The following SUMF1 variants were observed in gnomAD, a reference collection of about 807,000 sequenced individuals.
SUMF1 encodes sulfatase modifying factor 1, also known as formylglycine-generating enzyme.
In SUMF1, 48 loss-of-function variants were observed where a neutral mutation model predicts 47.6. The observed-to-expected ratio is 1.01, with a 90% CI of 0.80 to 1.28. The LOEUF (loss-of-function observed/expected upper bound fraction) is 1.28. Ranked by LOEUF, SUMF1 falls within the 50% of genes most tolerant of loss-of-function variation. The pLI, the probability that SUMF1 is intolerant of heterozygous loss-of-function variation, is 0.00. For synonymous variants in SUMF1, 230 were observed against 192.1 expected, an observed-to-expected ratio of 1.20 and a Z score of -1.63; for missense variants, 571 against 485.4, an observed-to-expected ratio of 1.18 and a Z score of -1.66.
At chr3:4,172,808 G>A (rs984420388) in intron 8 of SUMF1, among the ~76,000 whole-genome samples, 4 of 151,996 alleles carry the variant, frequency 2.6e-5, no homozygotes, top group Admixed American at 2.6e-4. Flanking sequence ...CATTCTGTAG[G>A]TTGCCTGTTC....
intron 1 of SUMF1, among the ~76,000 whole-genome samples, chr3:4,456,769 T>C (rs201956941): frequency 0.023 from 3,066 of 132,674 alleles, 144 homozygotes; most frequent in East Asian, 0.088. Context: ...TGTGTATATA[T>C]ACACATATAT....
intron 8 of SUMF1, among the ~76,000 whole-genome samples, chr3:4,307,626 C>T (rs1274981420): frequency 1.3e-5 from 2 of 152,140 alleles, no homozygotes; most frequent in Middle Eastern, 3.2e-3. Flanking sequence ...ATCTGATTTC[C>T]AGTATATCAT....
rs570892457 is a variant in SUMF1, at chr3:4,069,967, T to C, written c.1015-1222A>G. Among the ~76,000 whole-genome samples, 48 of 152,302 alleles carry C rather than the reference T, an allele frequency of 3.2e-4. No individual in the cohort carries two copies. In the South Asian group the frequency reaches 9.6e-3, roughly 30 times the overall value. Reference sequence around the variant, plus strand: ...TAAGAGCCAGATACGCTTTTAGCTCTGATAAGAAACATACAACCTGCTCTC... The same window carrying C: ...TAAGAGCCAGATACGCTTTTAGCTCCGATAAGAAACATACAACCTGCTCTC... On this transcript the variant is annotated intron_variant and NMD_transcript_variant, in intron 8 of 12. Transcript: ENST00000448413.
At chr3:4,236,662 G>A (rs1001531611) in intron 8 of SUMF1, among the ~76,000 whole-genome samples, 3 of 152,108 alleles carry the variant, frequency 2.0e-5, no homozygotes, top group Non-Finnish European at 2.9e-5. Flanking sequence ...TGTGCAGAAA[G>A]TACAGAGTTC....
At chr3:4,241,725 G>A (rs550918127) in intron 8 of SUMF1, among the ~76,000 whole-genome samples, 20 of 152,322 alleles carry the variant, frequency 1.3e-4, no homozygotes, top group Non-Finnish European at 2.9e-5. Context: ...TGAGGAAACA[G>A]ATACCACGAG....
intron 8 of SUMF1, among the ~76,000 whole-genome samples, chr3:4,320,895 T>C (rs1698815787): frequency 6.6e-6 from 1 of 152,164 alleles, no homozygotes; most frequent in Non-Finnish European, 1.5e-5. Context: ...CAGACAGGCC[T>C]CCATGGGGGC....
intron 8 of SUMF1, among the ~76,000 whole-genome samples, chr3:4,126,839 T>C (rs945234159): frequency 1.1e-4 from 17 of 152,208 alleles, no homozygotes; most frequent in African/African-American, 4.1e-4. Context: ...AGTAACTCAA[T>C]GAAAGCGGCA....
At chr3:4,098,741 C>T (rs544934113) in intron 8 of SUMF1, among the ~76,000 whole-genome samples, 1 of 152,292 alleles carries the variant, frequency 6.6e-6, no homozygotes, top group South Asian at 2.1e-4. Context: ...TGCCAAGAGG[C>T]ATTCTGCAGA....
At chr3:4,465,589 G>A (rs1437358183) in intron 1 of SUMF1, among the ~76,000 whole-genome samples, 2 of 152,002 alleles carry the variant, frequency 1.3e-5, no homozygotes, top group Non-Finnish European at 2.9e-5. Flanking sequence ...CAGTAATCAG[G>A]AGTCTTCAAC....
At chr3:4,218,668 G>T (rs1349428581) in intron 8 of SUMF1, among the ~76,000 whole-genome samples, 1 of 152,166 alleles carries the variant, frequency 6.6e-6, no homozygotes, top group African/African-American at 2.4e-5. Flanking sequence ...GTCAGACTTC[G>T]TGTGAGAGCA....
At chr3:4,428,636 G>A (rs1702140626) in intron 3 of SUMF1, among the ~76,000 whole-genome samples, 1 of 152,184 alleles carries the variant, frequency 6.6e-6, no homozygotes, top group East Asian at 1.9e-4. Flanking sequence ...TTACAGGCAT[G>A]AGCCACCTCT....
intron 8 of SUMF1, among the ~76,000 whole-genome samples, chr3:4,293,658 C>T (rs1429735594): frequency 6.6e-6 from 1 of 152,066 alleles, no homozygotes; most frequent in African/African-American, 2.4e-5. Flanking sequence ...ATTTCAGTAG[C>T]CTAATAGACT....
intron 8 of SUMF1, among the ~76,000 whole-genome samples, chr3:4,185,110 A>T (rs923335063): frequency 6.6e-6 from 1 of 152,228 alleles, no homozygotes; most frequent in Admixed American, 6.5e-5. Context: ...AACAAAAAGT[A>T]AAGATTGTTT....
At chr3:4,364,853 TG>T (rs894911093) in intron 8 of SUMF1, among the ~76,000 whole-genome samples, 1 of 151,644 alleles carries the variant, frequency 6.6e-6, no homozygotes, top group African/African-American at 2.4e-5. Flanking sequence ...CTTTCTCTTG[TG>T]GGCATTTAGT....
chr3:4,310,473 G>A (rs1266751133), intron 8 of SUMF1, among the ~76,000 whole-genome samples: 2 of 152,086 alleles, frequency 1.3e-5, no homozygotes, highest in Admixed American at 6.6e-5. Flanking sequence ...GCAATTATTG[G>A]TATCAGGATC....
intron 7 of SUMF1, among the ~76,000 whole-genome samples, chr3:4,407,299 T>G (rs759371957): frequency 7.2e-5 from 11 of 152,230 alleles, no homozygotes; most frequent in Non-Finnish European, 1.6e-4. Context: ...ATTTCCTGAA[T>G]AGCCTTTGCA....
chr3:4,407,103 C>T (rs989894449), intron 7 of SUMF1, among the ~76,000 whole-genome samples: 37 of 152,036 alleles, frequency 2.4e-4, no homozygotes, highest in Non-Finnish European at 5.9e-5. Flanking sequence ...CACACACACA[C>T]ACACACACAC....
intron 8 of SUMF1, among the ~76,000 whole-genome samples, chr3:4,136,965 A>G (rs2125092652): frequency 6.6e-6 from 1 of 152,224 alleles, no homozygotes; most frequent in Non-Finnish European, 1.5e-5. Flanking sequence ...TAAAAAGTCA[A>G]GAAACAACAG....
intron 8 of SUMF1, chr3:4,313,517 C>G (rs200823423): frequency 1.9e-4 from 306 of 1,613,972 alleles, no homozygotes; most frequent in East Asian, 4.9e-4. Flanking sequence ...GAAGAACTCT[C>G]TTATGATTAT....
Sources: gnomAD v4.1 joint callset for allele counts (sites outside exome capture counted in the v4.1 genomes callset) on GRCh38, gnomAD v4.1.1 for gene constraint, MANE v1.5 for transcripts, NCBI Gene and HGNC (gene_info 2026-07-23, HGNC 2026-07-21) for gene names.